The following MYOF variants were observed in gnomAD, a reference collection of about 807,000 sequenced individuals.
The protein encoded by MYOF is myoferlin, also known as fer-1-like 3, myoferlin.
A neutral mutation model predicts 284.2 loss-of-function variants in MYOF; 244 were observed. The ratio of observed to expected loss-of-function variants is 0.86; its 90% CI spans 0.77 to 0.95. The LOEUF is 0.95. Among genes scored for constraint, MYOF ranks in the 40% least tolerant of loss-of-function variants. MYOF has a pLI of 0.00. For missense variants in MYOF, 2,496 were observed against 2,560.6 expected (o/e 0.97, Z 0.54); for synonymous variants, 904 against 919.7 (o/e 0.98, Z 0.31).
chr10:93,458,113 G>T (rs893195026), intron 1 of MYOF, among the ~76,000 whole-genome samples: 1 of 152,060 alleles, frequency 6.6e-6, no homozygotes, highest in African/African-American at 2.4e-5. Flanking sequence ...AGCACTTATG[G>T]AGGCCAAGGT....
rs565194297 is a variant in MYOF at position 93,460,780 on chromosome 10, A to G, written c.89-3843T>C. 2.8e-3 allele frequency among the ~76,000 whole-genome samples: 337 copies of G among 119,794 alleles called. 4 individuals carry two copies. Among genetic ancestry groups the G allele is most frequent in the African/African-American group, 9.1e-3 (328 of 35,944 alleles). The allele number at this position is 119,794 out of a possible 152,430, so 78.6% of individuals were successfully genotyped here. ...AGACCCCATCTCCAAAAAAAAAAAA[A>G]AAAAAGAAAGAAAAAGAAAAAAAAA... On this transcript the variant is annotated intron_variant, in intron 1 of 53. Coordinates refer to ENST00000359263, the MANE Select transcript of MYOF (RefSeq NM_013451.4).
At chr10:93,360,584 T>C (rs534211058) in intron 28 of MYOF, among the ~76,000 whole-genome samples, 1 of 152,360 alleles carries the variant, frequency 6.6e-6, no homozygotes, top group East Asian at 1.9e-4. Context: ...ATCTTCTGGG[T>C]CAATGCCAGT....
chr10:93,370,082 A>ACTTG (rs1845515704), intron 24 of MYOF, among the ~76,000 whole-genome samples: 1 of 152,176 alleles, frequency 6.6e-6, no homozygotes, highest in African/African-American at 2.4e-5. Context: ...CTGTATTGAC[A>ACTTG]CTTGCACTGG....
intron 45 of MYOF, among the ~76,000 whole-genome samples, chr10:93,328,088 C>G (rs116072656): frequency 2.6e-5 from 4 of 152,114 alleles, no homozygotes; most frequent in Non-Finnish European, 5.9e-5. Context: ...TCGTTTTTTA[C>G]AATGTCACGA....
chr10:93,409,676 G>A lies in MYOF; in HGVS notation c.497C>T (p.Pro166Leu), dbSNP rs1203843892. The change falls in exon 6 of 54, where the codon CCC (proline) becomes CTC (leucine). Residue 166 changes from proline (P) to leucine (L), a missense_variant. Around this residue, in one of 3 missense-constraint regions of MYOF, gnomAD observed 2,436 missense variants for 2,480.7 expected, o/e 0.98. Coordinates refer to ENST00000359263, the MANE Select transcript of MYOF (RefSeq NM_013451.4). The stretch of plus-strand genomic sequence containing the variant: ...CGACACCGTCCCAACTGGCCCCTTG[G>A]GCCCAGGGCCCCTGACTGCATTGTC... ...RLDNAVRGPG[P>L]KGPVGTVSEA... is the part of the protein sequence containing the mutation. 1 of 1,614,032 alleles carries A rather than the reference G, an allele frequency of 6.2e-7. No homozygotes were observed. Among genetic ancestry groups the A allele is most frequent in the Non-Finnish European group, 8.5e-7 (1 of 1,180,032 alleles).
chr10:93,341,280 C>CT lies in MYOF; in HGVS notation c.4327-1117dup, dbSNP rs35414380. ...AAATAATAGTTCATGATTTAAAAGG[C>CT]TTTTTTTTTTTTCAGACTAAGTTTT... On this transcript the variant is annotated intron_variant, in intron 38 of 53. Transcript: ENST00000359263. 4.2e-3 allele frequency among the ~76,000 whole-genome samples: 613 copies of CT among 145,296 alleles called. 1 individual carries two copies. The highest frequency in any genetic ancestry group is 6.4e-3 in the East Asian group (32 of 5,014).
chr10:93,395,630 A>G (rs1180107649), intron 16 of MYOF, among the ~76,000 whole-genome samples: 2 of 126,820 alleles, frequency 1.6e-5, no homozygotes, highest in Non-Finnish European at 3.4e-5. Context: ...TTGGCTATCA[A>G]TGCTTGTCAG....
rs201809490 is a variant in MYOF at position 93,310,155 on chromosome 10, G to A, written c.6012C>T (p.Thr2004=). Residue 2004 remains threonine (T), a synonymous_variant, in exon 53 of 54, where the codon ACC becomes ACT. Coordinates refer to ENST00000359263, the MANE Select transcript of MYOF (RefSeq NM_013451.4). Reference sequence around the variant, plus strand: ...ATGGGTTGGTGAACCAGAGGAAGGAGGTTTCTGGTCGACTGCATTGCAAAG... The same window carrying A: ...ATGGGTTGGTGAACCAGAGGAAGGAAGTTTCTGGTCGACTGCATTGCAAAG... ...PKLDLPNRPE[T]SFLWFTNPCK... is the part of the protein sequence containing the mutation. 6 of 1,614,006 alleles carry A rather than the reference G, an allele frequency of 3.7e-6. No homozygotes were observed. The East Asian group carries it at 1.1e-4, about 30-fold the overall frequency.
At chr10:93,416,765 T>A (rs527838527) in intron 5 of MYOF, among the ~76,000 whole-genome samples, 1 of 151,914 alleles carries the variant, frequency 6.6e-6, no homozygotes, top group South Asian at 2.1e-4. Flanking sequence ...GCCTGGCTAA[T>A]TTTTGTATTT....
intron 24 of MYOF, among the ~76,000 whole-genome samples, chr10:93,372,568 G>T (rs925345963): frequency 3.3e-5 from 5 of 152,200 alleles, no homozygotes; most frequent in African/African-American, 1.2e-4. Context: ...CAGATTCCAT[G>T]AACCATCCCT....
chr10:93,439,185 C>G (rs2056170078), intron 3 of MYOF, among the ~76,000 whole-genome samples: 1 of 147,006 alleles, frequency 6.8e-6, no homozygotes, highest in African/African-American at 2.7e-5. Context: ...TCACTGTTAC[C>G]TTTGCAGGTA....
At chr10:93,417,368 C>T (rs567875518) in intron 5 of MYOF, among the ~76,000 whole-genome samples, 36 of 152,284 alleles carry the variant, frequency 2.4e-4, no homozygotes, top group South Asian at 2.3e-3. Flanking sequence ...TCTTTCCAGA[C>T]GCTCAGCAGC....
chr10:93,323,440 T>A, intron 46 of MYOF, 82 bp from the exon 47 acceptor site: 2 of 1,170,984 alleles, frequency 1.7e-6, no homozygotes, highest in Non-Finnish European at 2.3e-6. Context: ...ATTTCTTAGA[T>A]GAAACTATTT....
At chr10:93,307,769 C>G (rs1262078920) in intron 53 of MYOF, among the ~76,000 whole-genome samples, 1 of 150,738 alleles carries the variant, frequency 6.6e-6, no homozygotes, top group African/African-American at 2.4e-5. Flanking sequence ...GGATTACAGG[C>G]GCCCACCAAC....
chr10:93,336,078 A>G, intron 40 of MYOF, 32 bp from the exon 41 acceptor site: 1 of 1,605,872 alleles, frequency 6.2e-7, no homozygotes, highest in African/African-American at 1.3e-5. Context: ...TTAATTTCTC[A>G]TTAAAATGCA....
At position 93,324,107 on chromosome 10, in the gene MYOF, TTGAC is replaced by T. The variant is rs1318708415; in HGVS notation, c.5272-753_5272-750del. Among the ~76,000 whole-genome samples, 9 of 152,308 alleles carry T rather than the reference TTGAC, an allele frequency of 5.9e-5. No individual in the cohort carries two copies. The South Asian group carries it at 6.2e-4, about 11-fold the overall frequency. ...TCTTGGTGAGGTCCTGCTCAGCTCTTTGACTGACACAGACTTGGCCCATCCATCT... is the reference window on the plus strand; with the variant it reads ...TCTTGGTGAGGTCCTGCTCAGCTCTTTGACACAGACTTGGCCCATCCATCT... On this transcript the variant is annotated intron_variant, in intron 46 of 53. Coordinates refer to ENST00000359263, the MANE Select transcript of MYOF (RefSeq NM_013451.4).
intron 17 of MYOF, among the ~76,000 whole-genome samples, chr10:93,389,463 T>A (rs1846566418): frequency 6.6e-6 from 1 of 152,242 alleles, no homozygotes; most frequent in African/African-American, 2.4e-5. Flanking sequence ...TAATGGGCAT[T>A]GTATTAAACA....
chr10:93,450,913 C>T (rs757931429), intron 3 of MYOF, among the ~76,000 whole-genome samples: 2 of 152,018 alleles, frequency 1.3e-5, no homozygotes, highest in East Asian at 1.9e-4. Context: ...ATCTTGAAAT[C>T]GAGGATACAA....
rs77997517 is a variant in MYOF at position 93,419,977 on chromosome 10, T to A, written c.433+6094A>T. Among the ~76,000 whole-genome samples, 9,274 of 152,128 alleles carry A rather than the reference T, an allele frequency of 0.061. 1,280 individuals are homozygous for A. In the East Asian group the frequency reaches 0.64, roughly 11 times the overall value. On this transcript the variant is annotated intron_variant, in intron 5 of 53. Transcript: ENST00000359263. ...TGAAACCTCATCTCTACTAAAAATT[T>A]AAAAAATTAGCCAGGCGTGGTGGCC...
Sources: gnomAD v4.1 joint callset for allele counts (sites outside exome capture counted in the v4.1 genomes callset) on GRCh38, gnomAD v4.1.1 for gene constraint, gnomAD v4.1.1 regional missense constraint, MANE v1.5 for transcripts, NCBI Gene and HGNC (gene_info 2026-07-23, HGNC 2026-07-21) for gene names.